Variants in SEZ6L observed in about 807,000 individuals in gnomAD.
SEZ6L encodes seizure 6-like protein.
In SEZ6L, 37 loss-of-function variants were observed where a neutral mutation model predicts 106.2. The observed-to-expected ratio is 0.35, with a 90% CI of 0.27 to 0.46. SEZ6L has a LOEUF of 0.46. Among genes scored for constraint, SEZ6L ranks in the 20% least tolerant of loss-of-function variants. The probability of loss-of-function intolerance (pLI) is 1.00; values close to 1 mark genes in which losing one functional copy is unlikely to be tolerated. For missense variants in SEZ6L, 1,172 were observed against 1,332.8 expected (o/e 0.88, Z 1.88); for synonymous variants, 541 against 570.4 (o/e 0.95, Z 0.73).
chr22:26,332,059 T>C (rs1193691480), intron 9 of SEZ6L, among the ~76,000 whole-genome samples: 1 of 152,152 alleles, frequency 6.6e-6, no homozygotes, highest in African/African-American at 2.4e-5. Context: ...GAGGAATAGC[T>C]TCTAGTGTTC....
chr22:26,374,769 G>A (rs139528352), intron 14 of SEZ6L, among the ~76,000 whole-genome samples: 1,862 of 152,286 alleles, frequency 0.012, 50 homozygotes, highest in African/African-American at 0.043. Flanking sequence ...AAGGAATGTA[G>A]GATCCCCCTT....
intron 8 of SEZ6L, among the ~76,000 whole-genome samples, 160 bp from the exon 9 acceptor site, chr22:26,313,604 G>GACACACACACACA (rs2081910403): frequency 3.0e-5 from 1 of 33,706 alleles, no homozygotes; most frequent in African/African-American, 1.3e-4. Flanking sequence ...ACACACACAC[G>GACACACACACACA]CACACACACA....
At chr22:26,350,877 C>T (rs538944093) in intron 11 of SEZ6L, among the ~76,000 whole-genome samples, 175 bp from the exon 12 acceptor site, 18 of 152,102 alleles carry the variant, frequency 1.2e-4, no homozygotes, top group African/African-American at 4.1e-4. Flanking sequence ...AGGATGGTCT[C>T]GATCTCCTGA....
At chr22:26,304,089 G>A (rs2081535504) in intron 5 of SEZ6L, among the ~76,000 whole-genome samples, 1 of 152,090 alleles carries the variant, frequency 6.6e-6, no homozygotes, top group Admixed American at 6.6e-5. Flanking sequence ...TGCTGTGGCT[G>A]ATGCCTCTAA....
chr22:26,294,549 C>T, intron 3 of SEZ6L, 124 bp downstream of exon 3: 1 of 930,122 alleles, frequency 1.1e-6, no homozygotes, highest in Non-Finnish European at 1.6e-6. Flanking sequence ...ACCAGGCCAA[C>T]TTTAGCTGGG....
chr22:26,171,798 G>A (rs1351974078), intron 1 of SEZ6L, among the ~76,000 whole-genome samples: 1 of 152,160 alleles, frequency 6.6e-6, no homozygotes, highest in Non-Finnish European at 1.5e-5. Flanking sequence ...AGGAGGGAGT[G>A]ATACTGGCCA....
intron 1 of SEZ6L, among the ~76,000 whole-genome samples, chr22:26,179,078 C>G (rs150112677): frequency 0.01 from 1,595 of 152,140 alleles, 24 homozygotes; most frequent in South Asian, 0.084. Flanking sequence ...CCCATGAATG[C>G]AATAGGTGCT....
chr22:26,376,183 C>T (rs150389624), intron 15 of SEZ6L, among the ~76,000 whole-genome samples: 1 of 148,452 alleles, frequency 6.7e-6, no homozygotes, highest in Admixed American at 6.8e-5. Flanking sequence ...GCAGTTTTCT[C>T]GGTTCCAGAA....
chr22:26,255,008 G>C (rs1030096308), intron 1 of SEZ6L, among the ~76,000 whole-genome samples: 11 of 152,194 alleles, frequency 7.2e-5, no homozygotes, highest in African/African-American at 2.7e-4. Context: ...CTTGGATAAA[G>C]GAGCTTCCAG....
Position 26,226,684 on chromosome 22 carries a change from C to G in SEZ6L, c.94+56921C>G, listed in dbSNP as rs191606722. 5.0e-3 allele frequency among the ~76,000 whole-genome samples: 763 copies of G among 152,276 alleles called. 4 individuals carry two copies. The highest frequency in any genetic ancestry group is 8.2e-3 in the Non-Finnish European group (555 of 68,010). Reference sequence around the variant, plus strand: ...CCCAACCCCCTCCCATCCTCTCTAGCCTTTCTCTAAAATGGCTGAATTTCC... The same window carrying G: ...CCCAACCCCCTCCCATCCTCTCTAGGCTTTCTCTAAAATGGCTGAATTTCC... On this transcript the variant is annotated intron_variant, in intron 1 of 16. Transcript: ENST00000248933.
intron 1 of SEZ6L, among the ~76,000 whole-genome samples, chr22:26,197,714 T>A (rs1249248630): frequency 1.3e-5 from 2 of 151,946 alleles, no homozygotes; most frequent in Non-Finnish European, 2.9e-5. Context: ...AGAGAAACAC[T>A]TTTTTTTCTA....
chr22:26,279,013 G>GGAAGGGAAA (rs2080665181), intron 1 of SEZ6L, among the ~76,000 whole-genome samples: 3 of 151,406 alleles, frequency 2.0e-5, no homozygotes, highest in African/African-American at 7.3e-5. Flanking sequence ...AGGAAGGGAA[G>GGAAGGGAAA]GAAGGAAAGA....
At chr22:26,206,877 G>C (rs1196325310) in intron 1 of SEZ6L, among the ~76,000 whole-genome samples, 1 of 152,176 alleles carries the variant, frequency 6.6e-6, no homozygotes, top group Non-Finnish European at 1.5e-5. Flanking sequence ...TGAAGTATTG[G>C]ACTTAAAGCT....
At chr22:26,291,058 T>C (rs2081091789) in intron 1 of SEZ6L, among the ~76,000 whole-genome samples, 1 of 152,260 alleles carries the variant, frequency 6.6e-6, no homozygotes, top group Non-Finnish European at 1.5e-5. Context: ...AAATAGCATT[T>C]GACTCAGCAA....
rs151186570 is a variant in SEZ6L, at chr22:26,216,516, T to C, written c.94+46753T>C. Among the ~76,000 whole-genome samples, 4 of 152,010 alleles carry C rather than the reference T, an allele frequency of 2.6e-5. No homozygotes were observed. In the East Asian group the frequency reaches 7.7e-4, roughly 29 times the overall value. On this transcript the variant is annotated intron_variant, in intron 1 of 16. Coordinates refer to ENST00000248933, the MANE Select transcript of SEZ6L (RefSeq NM_021115.5). ...ACTAAAAGTACAGTAATTAGCTGGGTGTAGTGGTGTGCAACTGTAATCCCA... is the reference window on the plus strand; with the variant it reads ...ACTAAAAGTACAGTAATTAGCTGGGCGTAGTGGTGTGCAACTGTAATCCCA...
intron 1 of SEZ6L, among the ~76,000 whole-genome samples, chr22:26,232,974 C>G (rs1254811620): frequency 6.6e-6 from 1 of 152,254 alleles, no homozygotes; most frequent in African/African-American, 2.4e-5. Context: ...CTGTTAGACT[C>G]TGTCCTCCCC....
chr22:26,306,852 T>C (rs887488818), intron 6 of SEZ6L, among the ~76,000 whole-genome samples: 2 of 152,210 alleles, frequency 1.3e-5, no homozygotes, highest in East Asian at 1.9e-4. Flanking sequence ...ATATTCTGGA[T>C]TATTCTGAGA....
chr22:26,243,371 G>A (rs1233031729), intron 1 of SEZ6L, among the ~76,000 whole-genome samples: 1 of 152,190 alleles, frequency 6.6e-6, no homozygotes, highest in Non-Finnish European at 1.5e-5. Flanking sequence ...GAATAAGCAG[G>A]AAAAGCCTCT....
rs142635812 is a variant in SEZ6L at position 26,199,280 on chromosome 22, C to T, written c.94+29517C>T. Among the ~76,000 whole-genome samples, 484 of 152,316 alleles carry T rather than the reference C, an allele frequency of 3.2e-3. 1 individual carries two copies. The highest frequency in any genetic ancestry group is 5.8e-3 in the Non-Finnish European group (396 of 68,026). ...ACCCAGCGCTCAAAGAACCCAGGGC[C>T]TGTTGCTTAGTAGGGACTGAACACA... On this transcript the variant is annotated intron_variant, in intron 1 of 16. Transcript: ENST00000248933.
Sources: allele counts gnomAD v4.1 joint callset (sites outside exome capture counted in the v4.1 genomes callset), GRCh38; gene constraint gnomAD v4.1.1; transcripts MANE v1.5; gene names NCBI Gene and HGNC (gene_info 2026-07-23, HGNC 2026-07-21).